Variants in CSMD1 observed in about 807,000 individuals in gnomAD.
CSMD1 encodes CUB and sushi domain-containing protein 1.
In CSMD1, 213 loss-of-function variants were observed where a neutral mutation model predicts 417.5. The ratio of observed to expected loss-of-function variants is 0.51; its 90% CI spans 0.46 to 0.57. CSMD1 has a LOEUF of 0.57. Among genes scored for constraint, CSMD1 ranks in the 20% least tolerant of loss-of-function variants. The probability of loss-of-function intolerance (pLI) is 0.00; values close to 1 mark genes in which losing one functional copy is unlikely to be tolerated. For synonymous variants in CSMD1, 2,862 were observed against 1,736.8 expected (o/e 1.65, Z -16.11); for missense variants, 6,923 against 4,529.7 (o/e 1.53, Z -15.17).
At chr8:4,281,025 A>T (rs1037644296) in intron 3 of CSMD1, among the ~76,000 whole-genome samples, 1 of 152,154 alleles carries the variant, frequency 6.6e-6, no homozygotes, top group Non-Finnish European at 1.5e-5. Context: ...TGAGTTTTAA[A>T]ATTCTGTTCC....
At chr8:4,785,452 C>T (rs115728914) in intron 1 of CSMD1, among the ~76,000 whole-genome samples, 1 of 152,122 alleles carries the variant, frequency 6.6e-6, no homozygotes, top group Non-Finnish European at 1.5e-5. Context: ...TTAGCTCATG[C>T]AGCCCTTTGC....
chr8:4,925,242 C>A (rs1354956615), intron 1 of CSMD1, among the ~76,000 whole-genome samples: 1 of 7,608 alleles, frequency 1.3e-4, no homozygotes, highest in African/African-American at 4.1e-4. Context: ...TTTTTTTTTG[C>A]AGTGTGGCCC....
At chr8:4,498,875 C>A (rs986165285) in intron 2 of CSMD1, among the ~76,000 whole-genome samples, 2 of 151,902 alleles carry the variant, frequency 1.3e-5, no homozygotes, top group Non-Finnish European at 2.9e-5. Context: ...CCCCAGAAGT[C>A]AAAATAATAG....
intron 12 of CSMD1, among the ~76,000 whole-genome samples, chr8:3,466,419 TC>T (rs1816793484): frequency 6.6e-6 from 1 of 151,882 alleles, no homozygotes; most frequent in Non-Finnish European, 1.5e-5. Context: ...AATTTTTTTT[TC>T]TTTTTTTAAG....
intron 3 of CSMD1, among the ~76,000 whole-genome samples, chr8:4,365,880 C>G (rs951316752): frequency 6.6e-6 from 1 of 152,142 alleles, no homozygotes; most frequent in African/African-American, 2.4e-5. Context: ...GAGTAATTTT[C>G]TTTTGATATC....
chr8:4,075,321 TCAC>T, intron 3 of CSMD1, among the ~76,000 whole-genome samples: 1 of 152,262 alleles, frequency 6.6e-6, no homozygotes, highest in East Asian at 1.9e-4. Flanking sequence ...ATAAATACCT[TCAC>T]CTAAGAGAAT....
intron 3 of CSMD1, among the ~76,000 whole-genome samples, chr8:4,290,598 C>T (rs952846691): frequency 4.6e-5 from 7 of 152,146 alleles, no homozygotes; most frequent in Non-Finnish European, 8.8e-5. Context: ...ATACAATTTA[C>T]CAAGGACAGG....
At chr8:3,351,765 T>C (rs1175347379) in intron 21 of CSMD1, among the ~76,000 whole-genome samples, 5 of 147,756 alleles carry the variant, frequency 3.4e-5, no homozygotes, top group Non-Finnish European at 7.4e-5. Flanking sequence ...ATATTAAATG[T>C]ATAATATATA....
At chr8:4,079,277 A>G (rs1052895827) in intron 3 of CSMD1, among the ~76,000 whole-genome samples, 9 of 152,182 alleles carry the variant, frequency 5.9e-5, no homozygotes, top group Non-Finnish European at 1.2e-4. Flanking sequence ...GGAGTTTATC[A>G]AGTACTGTAC....
intron 26 of CSMD1, among the ~76,000 whole-genome samples, chr8:3,257,989 A>G (rs1800785256): frequency 1.3e-5 from 2 of 152,292 alleles, no homozygotes; most frequent in South Asian, 2.1e-4. Context: ...GTGGAAGGCT[A>G]TTGCAGGGGC....
intron 3 of CSMD1, among the ~76,000 whole-genome samples, chr8:4,088,187 G>GC (rs1160646289): frequency 6.6e-6 from 1 of 152,160 alleles, no homozygotes; most frequent in Non-Finnish European, 1.5e-5. Context: ...TGTTTTTAAT[G>GC]CCCAATCCCT....
intron 12 of CSMD1, among the ~76,000 whole-genome samples, chr8:3,439,052 G>A (rs1275078015): frequency 3.6e-5 from 5 of 138,402 alleles, no homozygotes; most frequent in Admixed American, 3.0e-4. Context: ...CAATCTGGGA[G>A]GTGGAGGTTG....
chr8:3,217,360 G>A (rs1263130092), intron 29 of CSMD1, among the ~76,000 whole-genome samples: 1 of 152,222 alleles, frequency 6.6e-6, no homozygotes, highest in African/African-American at 2.4e-5. Context: ...AATTAAGGAA[G>A]TTCTTTCTTC....
intron 3 of CSMD1, among the ~76,000 whole-genome samples, chr8:4,058,366 A>G (rs1035109110): frequency 5.3e-5 from 8 of 152,024 alleles, no homozygotes; most frequent in African/African-American, 1.9e-4. Flanking sequence ...AATGCTTGTG[A>G]TTTTTGTCCA....
intron 5 of CSMD1, among the ~76,000 whole-genome samples, chr8:3,778,757 T>C (rs569994381): frequency 2.6e-5 from 4 of 152,332 alleles, no homozygotes; most frequent in Admixed American, 6.5e-5. Flanking sequence ...TTACAAATAA[T>C]TGCTTGTGAT....
At chr8:3,971,361 C>G (rs1011118452) in intron 5 of CSMD1, among the ~76,000 whole-genome samples, 7 of 152,214 alleles carry the variant, frequency 4.6e-5, no homozygotes, top group African/African-American at 1.7e-4. Context: ...CTGTAATGTT[C>G]TGAAAATATA....
At chr8:3,762,254 C>T (rs946193067) in intron 5 of CSMD1, among the ~76,000 whole-genome samples, 4 of 152,054 alleles carry the variant, frequency 2.6e-5, no homozygotes, top group African/African-American at 9.7e-5. Flanking sequence ...CTGTCCCTTA[C>T]CTGGAGATCA....
At chr8:3,792,007 T>C (rs1799772210) in intron 5 of CSMD1, among the ~76,000 whole-genome samples, 1 of 141,340 alleles carries the variant, frequency 7.1e-6, no homozygotes, top group Admixed American at 6.9e-5. Flanking sequence ...ATTCTTTTGT[T>C]TACTTCTAAT....
At chr8:4,039,703 G>A (rs954176763) in intron 3 of CSMD1, among the ~76,000 whole-genome samples, 1 of 152,174 alleles carries the variant, frequency 6.6e-6, no homozygotes, top group African/African-American at 2.4e-5. Context: ...AAATATACTT[G>A]AAGGTGGAAA....
Sources: allele counts gnomAD v4.1 joint callset (sites outside exome capture counted in the v4.1 genomes callset), GRCh38; gene constraint gnomAD v4.1.1; transcripts MANE v1.5; gene names NCBI Gene and HGNC (gene_info 2026-07-23, HGNC 2026-07-21).